The following OGDH variants were observed in gnomAD, a reference collection of about 807,000 sequenced individuals.
OGDH encodes the protein oxoglutarate dehydrogenase, also known as 2-oxoglutarate dehydrogenase complex component E1.
Under a neutral mutation model 116.6 loss-of-function variants are expected in OGDH, and 38 were observed. The observed-to-expected ratio is 0.33, with a 90% CI of 0.25 to 0.43. OGDH has a LOEUF of 0.43. Among genes scored for constraint, OGDH ranks in the 20% least tolerant of loss-of-function variants. The pLI is 1.00. For synonymous variants in OGDH, 488 were observed against 533.3 expected (o/e 0.92, Z 1.17); for missense variants, 825 against 1,357.2 (o/e 0.61, Z 6.16).
intron 2 of OGDH, among the ~76,000 whole-genome samples, chr7:44,637,497 T>TA (rs907477731): frequency 1.3e-5 from 2 of 152,206 alleles, no homozygotes; most frequent in Non-Finnish European, 2.9e-5. Flanking sequence ...GAATGAGAAT[T>TA]ACTGGATTTT....
In OGDH at chr7:44,624,299, T is replaced by C. The variant is rs758281012; in HGVS notation, c.-27-18T>C. ...TAAAACCTTTCTTTCTTGTTTTTTTTTTTTTTTTTTTGTACAGGCAGTTGT... is the reference window on the plus strand; with the variant it reads ...TAAAACCTTTCTTTCTTGTTTTTTTCTTTTTTTTTTTGTACAGGCAGTTGT... On this transcript the variant is annotated intron_variant, in intron 1 of 22. Coordinates refer to ENST00000222673, the MANE Select transcript of OGDH (RefSeq NM_002541.4). 8.1e-7 allele frequency: 1 copy of C among 1,240,518 alleles called. No individual in the cohort carries two copies. 76.8% of individuals were successfully genotyped at this position (1,240,518 alleles called of 1,614,324 possible).
intron 4 of OGDH, among the ~76,000 whole-genome samples, chr7:44,663,395 G>T (rs191191034): frequency 6.6e-6 from 1 of 152,340 alleles, no homozygotes; most frequent in East Asian, 1.9e-4. Flanking sequence ...CACTTTGGGA[G>T]ACCAAGGCAG....
At chr7:44,656,426 A>G (rs969582036) in intron 4 of OGDH, 16 of 1,434,222 alleles carry the variant, frequency 1.1e-5, no homozygotes, top group Admixed American at 4.0e-5. Context: ...AGGATGTGCA[A>G]CTTTTCCTAG....
rs140784271 is a variant in OGDH, at chr7:44,631,427, A to C, written c.222+6862A>C. ...ATTGTACCCAATAGGCAATTTTTCA[A>C]CCCTCACTCTCCTACCACCCTCCCC... On this transcript the variant is annotated intron_variant, in intron 2 of 22. Transcript: ENST00000222673. 4.6e-3 allele frequency among the ~76,000 whole-genome samples: 705 copies of C among 152,114 alleles called. 6 individuals are homozygous for C. Among genetic ancestry groups the C allele is most frequent in the African/African-American group, 0.016 (660 of 41,470 alleles).
At chr7:44,632,269 CT>C (rs887778586) in intron 2 of OGDH, among the ~76,000 whole-genome samples, 21 of 152,070 alleles carry the variant, frequency 1.4e-4, no homozygotes, top group African/African-American at 4.1e-4. Context: ...AGGAGAGAGG[CT>C]TACTCTAAAT....
intron 10 of OGDH, among the ~76,000 whole-genome samples, chr7:44,687,703 C>T (rs1364043535): frequency 1.3e-5 from 2 of 152,142 alleles, no homozygotes; most frequent in East Asian, 1.9e-4. Flanking sequence ...GGATTACAGG[C>T]GTGAGTCACC....
intron 19 of OGDH, 84 bp downstream of exon 19, chr7:44,700,353 C>T: frequency 6.4e-7 from 1 of 1,560,266 alleles, no homozygotes; most frequent in Non-Finnish European, 8.7e-7. Flanking sequence ...GAGCCTCTTG[C>T]TTGGGGTTAG....
At chr7:44,635,448 G>C (rs17133653) in intron 2 of OGDH, among the ~76,000 whole-genome samples, 23,861 of 152,000 alleles carry the variant, frequency 0.16, 3,885 homozygotes, top group East Asian at 0.43. Flanking sequence ...CACCCGCGCC[G>C]CGGATTATTT....
At chr7:44,698,138 G>T in intron 17 of OGDH, 54 bp from the exon 18 acceptor site, 1 of 1,592,710 alleles carries the variant, frequency 6.3e-7, no homozygotes, top group Non-Finnish European at 8.6e-7. Context: ...AGCAGATGCG[G>T]CAAATGTCAG....
intron 1 of OGDH, among the ~76,000 whole-genome samples, chr7:44,609,150 T>C (rs1027202354): frequency 6.6e-6 from 1 of 152,050 alleles, no homozygotes; most frequent in East Asian, 1.9e-4. Flanking sequence ...CCTTTTGGGA[T>C]TGGTTTTTTC....
At chr7:44,665,161 G>A (rs1437292916) in intron 4 of OGDH, among the ~76,000 whole-genome samples, 1 of 152,034 alleles carries the variant, frequency 6.6e-6, no homozygotes, top group African/African-American at 2.4e-5. Flanking sequence ...GGCCATAAAT[G>A]GCAAGAGCCA....
chr7:44,697,689 G>A lies in OGDH; in HGVS notation c.2265G>A (p.Gln755=). The A allele has an allele frequency of 6.2e-7, 1 of 1,614,284 alleles. No homozygotes were observed. The change falls in exon 17 of 23, where the codon CAG becomes CAA. Residue 755 remains glutamine, a synonymous_variant. Transcript: ENST00000222673. This position sits in a 1 kb window ranked among gnomAD's most constrained non-coding sequence, Gnocchi z 6.0. Reference sequence around the variant, plus strand: ...TTGGTGACTTCCACAACACGGCCCAGTGTATCATCGACCAGTTCATCTGCC... The same window carrying A: ...TTGGTGACTTCCACAACACGGCCCAATGTATCATCGACCAGTTCATCTGCC... ...AQFGDFHNTA[Q]CIIDQFICPG...
chr7:44,703,754 G>A (rs751338398), intron 20 of OGDH, among the ~76,000 whole-genome samples: 5 of 151,460 alleles, frequency 3.3e-5, no homozygotes, highest in East Asian at 3.9e-4. Flanking sequence ...GGGTGGTGGC[G>A]CATACCTGTA....
At chr7:44,674,078 C>A in intron 6 of OGDH, 137 bp downstream of exon 6, 2 of 988,604 alleles carry the variant, frequency 2.0e-6, no homozygotes, top group Non-Finnish European at 3.0e-6. Context: ...GCTCCATCTG[C>A]ACATGTGTGA....
chr7:44,705,084 G>A (rs1417118369), intron 20 of OGDH, among the ~76,000 whole-genome samples: 6 of 92,484 alleles, frequency 6.5e-5, no homozygotes, highest in South Asian at 4.0e-4. Context: ...ACGGAGTCTC[G>A]CTCTGTCGCC....
intron 2 of OGDH, among the ~76,000 whole-genome samples, chr7:44,625,250 G>A (rs1380714000): frequency 2.6e-5 from 4 of 151,962 alleles, no homozygotes; most frequent in African/African-American, 9.7e-5. Context: ...TCAGCCTCCC[G>A]AGTAACTGGG....
chr7:44,689,166 C>T (rs1341871847), intron 10 of OGDH, among the ~76,000 whole-genome samples: 1 of 148,490 alleles, frequency 6.7e-6, no homozygotes, highest in African/African-American at 2.5e-5. Flanking sequence ...TTCAAAGTGG[C>T]TGTGCCATTT....
intron 2 of OGDH, among the ~76,000 whole-genome samples, chr7:44,633,069 T>C (rs192882079): frequency 0.011 from 1,595 of 151,072 alleles, 27 homozygotes; most frequent in African/African-American, 0.037. Flanking sequence ...CTGGCTAACA[T>C]GGTGAAACCC....
chr7:44,701,603 G>A lies in OGDH; in HGVS notation c.2620G>A (p.Glu874Lys), dbSNP rs567676133. The A allele has an allele frequency of 1.9e-6, 3 of 1,614,070 alleles. No homozygotes were observed. Among genetic ancestry groups the A allele is most frequent in the Non-Finnish European group, 2.5e-6 (3 of 1,180,028 alleles). Residue 874 changes from glutamate to lysine, a missense_variant, in exon 20 of 23, where the codon GAG (glutamate) becomes AAG (lysine). This residue lies in a region of OGDH where 212 missense variants were observed against 284.3 expected (regional missense o/e 0.75). Transcript: ENST00000222673. Reference protein sequence around the residue: ...RHPEARSSFDEMLPGTHFQRV... With the variant: ...RHPEARSSFDKMLPGTHFQRV... ...CCCCGAGGCCAGATCCAGCTTTGAT[G>A]AGATGCTTCCAGGTGGGTGTGAGGG...
Sources: allele counts gnomAD v4.1 joint callset (sites outside exome capture counted in the v4.1 genomes callset), GRCh38; gene constraint gnomAD v4.1.1; regional missense constraint gnomAD v4.1.1; non-coding constraint Gnocchi (gnomAD v3.1); transcripts MANE v1.5; gene names NCBI Gene and HGNC (gene_info 2026-07-23, HGNC 2026-07-21).